VPS50: variants seen among roughly 807,000 people sequenced by gnomAD.
VPS50 encodes syndetin.
Under a neutral mutation model 139.7 loss-of-function variants are expected in VPS50, and 70 were observed. The ratio of observed to expected loss-of-function variants is 0.50; its 90% CI spans 0.41 to 0.61. The LOEUF (loss-of-function observed/expected upper bound fraction) is 0.61. Among genes scored for constraint, VPS50 ranks in the 20% least tolerant of loss-of-function variants. VPS50 has a pLI of 0.00. For missense variants in VPS50, 921 were observed against 1,133.7 expected, an observed-to-expected ratio of 0.81 and a Z score of 2.69; for synonymous variants, 365 against 376.7, an observed-to-expected ratio of 0.97 and a Z score of 0.36.
intron 19 of VPS50, among the ~76,000 whole-genome samples, chr7:93,310,644 G>A (rs1282830772): frequency 6.6e-6 from 1 of 151,792 alleles, no homozygotes; most frequent in Non-Finnish European, 1.5e-5. Flanking sequence ...TTCTACATGC[G>A]AACGTGGTGA....
At chr7:93,307,498 A>T (rs1797150432) in intron 18 of VPS50, among the ~76,000 whole-genome samples, 1 of 151,914 alleles carries the variant, frequency 6.6e-6, no homozygotes, top group South Asian at 2.1e-4. Flanking sequence ...GTTTGTATTC[A>T]GCTGGGAACA....
intron 13 of VPS50, 147 bp downstream of exon 13, chr7:93,291,982 T>G (rs1043541065): frequency 2.0e-5 from 11 of 549,556 alleles, no homozygotes; most frequent in Non-Finnish European, 3.1e-5. Context: ...AAGAAAGTGA[T>G]TCAGCTACTT....
At chr7:93,235,614 G>A (rs891270221) in intron 1 of VPS50, among the ~76,000 whole-genome samples, 4 of 152,212 alleles carry the variant, frequency 2.6e-5, no homozygotes, top group Admixed American at 6.5e-5. Flanking sequence ...TTTGGGCTGT[G>A]AGGGAAAGAG....
At chr7:93,338,866 T>A (rs1055636096) in intron 22 of VPS50, among the ~76,000 whole-genome samples, 11 of 152,176 alleles carry the variant, frequency 7.2e-5, no homozygotes, top group Admixed American at 2.0e-4. Flanking sequence ...GAGCTCTCTA[T>A]TCATGGGCTT....
At chr7:93,312,252 A>G (rs1797290522) in intron 20 of VPS50, among the ~76,000 whole-genome samples, 1 of 152,196 alleles carries the variant, frequency 6.6e-6, no homozygotes, top group Non-Finnish European at 1.5e-5. Context: ...AATTATTGCC[A>G]GGGAGCTAAG....
At chr7:93,271,681 A>G (rs1796014814) in intron 10 of VPS50, among the ~76,000 whole-genome samples, 1 of 151,784 alleles carries the variant, frequency 6.6e-6, no homozygotes, top group African/African-American at 2.4e-5. Context: ...TGATACTCAC[A>G]TAGTTCATCA....
chr7:93,254,212 AC>A (rs1186620979), intron 4 of VPS50, among the ~76,000 whole-genome samples: 1 of 152,226 alleles, frequency 6.6e-6, no homozygotes, highest in Non-Finnish European at 1.5e-5. Flanking sequence ...ATTAGTAAGT[AC>A]CTTTAGGCTC....
intron 23 of VPS50, among the ~76,000 whole-genome samples, chr7:93,346,379 A>T (rs1248602603): frequency 6.6e-6 from 1 of 152,158 alleles, no homozygotes; most frequent in Non-Finnish European, 1.5e-5. Context: ...GAATCAATAT[A>T]ATGAAAATGG....
rs752176627 is a variant in VPS50 at position 93,323,707 on chromosome 7, A to G, written c.1952A>G (p.Tyr651Cys). The G allele has an allele frequency of 7.0e-7, 1 of 1,433,724 alleles. No individual in the cohort carries two copies. The highest frequency in any genetic ancestry group is 9.4e-7 in the Non-Finnish European group (1 of 1,069,238). The allele number at this position is 1,433,724 out of a possible 1,614,324, so 88.8% of individuals were successfully genotyped here. A position where few individuals can be genotyped will look rare whatever the true frequency, so the allele number is the denominator to read the frequency against. The stretch of plus-strand genomic sequence containing the variant: ...TTTGATTATTACTTGTATGCAATAT[A>G]TACCTTTTTTGGTCGGAATGATTCA... ...QLFDYYLYAI[Y>C]TFFGRNDSLE... is the part of the protein sequence containing the mutation. Residue 651 changes from tyrosine (Y) to cysteine (C), a missense_variant, in exon 21 of 28, where the codon TAT (tyrosine) becomes TGT (cysteine). Transcript: ENST00000305866.
chr7:93,293,157 G>A (rs763767652), intron 13 of VPS50, among the ~76,000 whole-genome samples: 3 of 152,090 alleles, frequency 2.0e-5, no homozygotes, highest in African/African-American at 4.8e-5. Flanking sequence ...CAGCATGTAA[G>A]GTACTTATAT....
At position 93,341,522 on chromosome 7, in the gene VPS50, A is replaced by G. The variant is rs764803673; in HGVS notation, c.2154A>G (p.Thr718=). ...SPHLSHLVVL[T]SGDTLYGLAE... ...ACCTCAGTCACCTAGTGGTTTTGAC[A>G]TCTGGGGATACGCTGTATGGGTTGG... is the stretch of plus-strand genomic sequence containing the variant. The change falls in exon 23 of 28, where the codon ACA becomes ACG. Residue 718 remains threonine, a synonymous_variant. Coordinates refer to ENST00000305866, the MANE Select transcript of VPS50 (RefSeq NM_017667.4). 11 of 1,612,374 alleles carry G rather than the reference A, an allele frequency of 6.8e-6. 1 individual carries two copies. In the South Asian group the frequency reaches 9.9e-5, roughly 14 times the overall value.
chr7:93,303,241 A>G (rs1444918986), intron 16 of VPS50, among the ~76,000 whole-genome samples: 1 of 151,972 alleles, frequency 6.6e-6, no homozygotes, highest in Non-Finnish European at 1.5e-5. Flanking sequence ...TACTTAGTTT[A>G]GTAAACATTT....
At chr7:93,237,505 C>G (rs141217212) in intron 1 of VPS50, among the ~76,000 whole-genome samples, 63 of 152,276 alleles carry the variant, frequency 4.1e-4, no homozygotes, top group African/African-American at 1.4e-3. Context: ...TGTGTGGTGA[C>G]TACTTTTTCT....
intron 20 of VPS50, among the ~76,000 whole-genome samples, chr7:93,321,908 TAAC>T (rs2117017343): frequency 6.6e-6 from 1 of 152,322 alleles, no homozygotes; most frequent in South Asian, 2.1e-4. Flanking sequence ...TTTTATATGT[TAAC>T]AAGTAGTAGC....
chr7:93,345,598 A>C (rs1798367085), intron 23 of VPS50, among the ~76,000 whole-genome samples: 2 of 152,222 alleles, frequency 1.3e-5, no homozygotes, highest in South Asian at 4.1e-4. Flanking sequence ...GGCAAACCGA[A>C]TCCAGCAGCA....
At chr7:93,251,665 A>G (rs889074037) in intron 2 of VPS50, among the ~76,000 whole-genome samples, 4 of 152,242 alleles carry the variant, frequency 2.6e-5, no homozygotes, top group African/African-American at 9.6e-5. Flanking sequence ...TCAAAGTATC[A>G]TAAAAAGTGA....
At chr7:93,290,218 G>T (rs111947992) in intron 12 of VPS50, among the ~76,000 whole-genome samples, 1 of 151,636 alleles carries the variant, frequency 6.6e-6, no homozygotes, top group Non-Finnish European at 1.5e-5. Context: ...TGTCATTAGC[G>T]GATATAAATA....
intron 1 of VPS50, among the ~76,000 whole-genome samples, chr7:93,239,226 G>A (rs981637637): frequency 6.6e-6 from 1 of 152,112 alleles, no homozygotes; most frequent in Non-Finnish European, 1.5e-5. Context: ...TAAAGAAAAT[G>A]TAAATTGCTG....
intron 23 of VPS50, among the ~76,000 whole-genome samples, chr7:93,346,534 A>C (rs1287709171): frequency 6.6e-6 from 1 of 152,186 alleles, no homozygotes; most frequent in Non-Finnish European, 1.5e-5. Flanking sequence ...CTGAGCCAAA[A>C]GAACAAAGCT....
Sources: gnomAD v4.1 joint callset for allele counts (sites outside exome capture counted in the v4.1 genomes callset) on GRCh38, gnomAD v4.1.1 for gene constraint, MANE v1.5 for transcripts, NCBI Gene and HGNC (gene_info 2026-07-23, HGNC 2026-07-21) for gene names.